Variants in REELD1 observed in about 807,000 individuals in gnomAD.
The protein encoded by REELD1 is reeler domain containing 1, also known as reelin domain-containing protein 1.
A neutral mutation model predicts 6.3 loss-of-function variants in REELD1; 12 were observed. The observed-to-expected ratio is 1.89, with a 90% CI of 1.21 to 3.07. The LOEUF is 3.07. Ranked by LOEUF, REELD1 falls within the 30% of genes most tolerant of loss-of-function variation. REELD1 has a pLI of 0.00. For synonymous variants in REELD1, 57 were observed against 33.6 expected, an observed-to-expected ratio of 1.70 and a Z score of -2.42; for missense variants, 163 against 86.8, an observed-to-expected ratio of 1.88 and a Z score of -3.49.
chr4:146,224,564 C>G lies in REELD1; in HGVS notation c.551C>G (p.Pro184Arg). 2.8e-6 allele frequency: 2 copies of G among 702,206 alleles called. No individual in the cohort carries two copies. The highest frequency in any genetic ancestry group is 5.2e-6 in the Non-Finnish European group (2 of 384,952). 43.5% of individuals were successfully genotyped at this position (702,206 alleles called of 1,614,324 possible). ...CGCATGGAGCCCAGATTGCTGATGC[C>G]AAACCTTCACCAGAGGCTGGGCGAT... The part of the protein sequence containing the change: ...DDRMEPRLLM[P>R]NLHQRLGDVE... The change falls in exon 5 of 8, where the codon CCA (proline) becomes CGA (arginine). Residue 184 changes from proline to arginine, a missense_variant. Pro to Arg is a moderately radical substitution (Grantham distance 103, BLOSUM62 -2). Transcript: ENST00000623665.
At chr4:146,215,299 T>G (rs187036509) in intron 2 of REELD1, 101 bp downstream of exon 2, 1 of 152,364 alleles carries the variant, frequency 6.6e-6, no homozygotes, top group East Asian at 1.9e-4. Context: ...GAATGTGCTT[T>G]TACACAGTTC....
intron 3 of REELD1, among the ~76,000 whole-genome samples, chr4:146,221,988 T>A (rs1201490939): frequency 6.6e-6 from 1 of 152,230 alleles, no homozygotes; most frequent in Non-Finnish European, 1.5e-5. Flanking sequence ...CAAATACTTT[T>A]TTTTGGAAAA....
intron 4 of REELD1, 40 bp from the exon 5 acceptor site, chr4:146,224,405 A>G: frequency 1.9e-6 from 1 of 537,060 alleles, no homozygotes; most frequent in Non-Finnish European, 3.3e-6. Context: ...TTTAAAGGAA[A>G]CTAAATCCGT....
Position 146,228,287 on chromosome 4 carries a change from G to A in REELD1, c.673G>A (p.Asp225Asn). 1 of 702,546 alleles carries A rather than the reference G, an allele frequency of 1.4e-6. No individual in the cohort carries two copies. The allele number at this position is 702,546 out of a possible 1,614,324, so 43.5% of individuals were successfully genotyped here. A position where few individuals can be genotyped will look rare whatever the true frequency, so the allele number is the denominator to read the frequency against. Reference protein sequence around the residue: ...AVALPGAAEEDNLDPVPASIW... With the variant: ...AVALPGAAEENNLDPVPASIW... The stretch of plus-strand genomic sequence containing the variant: ...TGCCCTTCCTGGAGCTGCAGAGGAG[G>A]ACAACCTAGATCCTGTTCCTGCCAG... The change falls in exon 6 of 8, where the codon GAC (aspartate) becomes AAC (asparagine). Residue 225 changes from aspartate (D) to asparagine (N), a missense_variant. Coordinates refer to ENST00000623665, the MANE Select transcript of REELD1 (RefSeq NM_001354631.1).
intron 4 of REELD1, among the ~76,000 whole-genome samples, chr4:146,222,863 T>A (rs1224255828): frequency 6.6e-6 from 1 of 151,940 alleles, no homozygotes; most frequent in East Asian, 1.9e-4. Context: ...TCTCTAGGAG[T>A]TTCTGACCAG....
chr4:146,229,306 T>A (rs947663673), intron 7 of REELD1, among the ~76,000 whole-genome samples: 2 of 152,226 alleles, frequency 1.3e-5, no homozygotes, highest in Non-Finnish European at 2.9e-5. Context: ...GATGTTTTAG[T>A]GACTTGTCTT....
intron 5 of REELD1, among the ~76,000 whole-genome samples, chr4:146,225,268 A>T (rs530638808): frequency 3.9e-5 from 6 of 152,036 alleles, no homozygotes; most frequent in Non-Finnish European, 8.8e-5. Flanking sequence ...GTGGTATGGA[A>T]CTCCTTTTTG....
At position 146,231,950 on chromosome 4, in the gene REELD1, C is replaced by T. The variant is rs982079817; in HGVS notation, c.*1437C>T. On this transcript the variant is annotated 3_prime_UTR_variant, in exon 8 of 8. Transcript: ENST00000623665. The stretch of plus-strand genomic sequence containing the variant: ...TGGAGACCTAGGTAATTTGTGCATT[C>T]ACAAATGAAAGTGTTCTAGGAATAC... The T allele has an allele frequency of 6.6e-6, 1 of 152,152 alleles. No individual in the cohort carries two copies. Among genetic ancestry groups the T allele is most frequent in the African/African-American group, 2.4e-5 (1 of 41,436 alleles). 9.4% of individuals were successfully genotyped at this position (152,152 alleles called of 1,614,324 possible).
chr4:146,229,209 G>A lies in REELD1; in HGVS notation c.972+121G>A. 11 of 633,336 alleles carry A rather than the reference G, an allele frequency of 1.7e-5. No individual in the cohort carries two copies. The South Asian group carries it at 1.9e-4, about 11-fold the overall frequency. 39.2% of individuals were successfully genotyped at this position (633,336 alleles called of 1,614,324 possible). A position where few individuals can be genotyped will look rare whatever the true frequency, so the allele number is the denominator to read the frequency against. On this transcript the variant is annotated intron_variant, in intron 7 of 7. Coordinates refer to ENST00000623665, the MANE Select transcript of REELD1 (RefSeq NM_001354631.1). Reference sequence around the variant, plus strand: ...CCAAAGTTAGAGAGAAGAAGGCAAAGTACAATATACACACAGTGTCTTTCT... The same window carrying A: ...CCAAAGTTAGAGAGAAGAAGGCAAAATACAATATACACACAGTGTCTTTCT...
intron 1 of REELD1, 31 bp downstream of exon 1, chr4:146,214,725 G>A (rs1162616864): frequency 1.3e-5 from 2 of 152,110 alleles, no homozygotes; most frequent in Non-Finnish European, 2.9e-5. Flanking sequence ...ATTTATTTTT[G>A]TAGAGACAAG....
chr4:146,218,643 A>G (rs1730867042), intron 3 of REELD1, among the ~76,000 whole-genome samples: 1 of 152,210 alleles, frequency 6.6e-6, no homozygotes, highest in African/African-American at 2.4e-5. Context: ...GTCTATTCTA[A>G]TAGAGCTTCC....
intron 1 of REELD1, among the ~76,000 whole-genome samples, 179 bp downstream of exon 1, chr4:146,214,873 G>A (rs766839878): frequency 1.3e-5 from 2 of 151,916 alleles, no homozygotes; most frequent in Non-Finnish European, 2.9e-5. Flanking sequence ...GGTTCAGGTA[G>A]ACAAGATGCT....
chr4:146,220,489 T>G (rs188839947), intron 3 of REELD1, among the ~76,000 whole-genome samples: 4 of 152,346 alleles, frequency 2.6e-5, no homozygotes, highest in African/African-American at 4.8e-5. Context: ...CTCTCTTAAG[T>G]GTGGAGGCAC....
At position 146,230,190 on chromosome 4, in the gene REELD1, A is replaced by T; in HGVS notation, c.1258A>T (p.Thr420Ser). ...GGGTGGAGTGGGATACCCTCGGCAG[A>T]CCAACCCACGGCCTGACATTGGGCT... is the stretch of plus-strand genomic sequence containing the variant. ...GEGGVGYPRQ[T>S]NPRPDIGLEG... Residue 420 changes from threonine (T) to serine (S), a missense_variant, in exon 8 of 8, where the codon ACC becomes TCC. Thr to Ser is a moderately conservative substitution (Grantham distance 58, BLOSUM62 1). Transcript: ENST00000623665. The T allele has an allele frequency of 2.5e-6, 1 of 398,758 alleles. No individual in the cohort carries two copies. Among genetic ancestry groups the T allele is most frequent in the Non-Finnish European group, 4.4e-6 (1 of 226,194 alleles). 24.7% of individuals were successfully genotyped at this position (398,758 alleles called of 1,614,324 possible). A position where few individuals can be genotyped will look rare whatever the true frequency, so the allele number is the denominator to read the frequency against.
intron 5 of REELD1, among the ~76,000 whole-genome samples, chr4:146,227,553 AATG>A (rs2110925028): frequency 6.6e-6 from 1 of 152,318 alleles, no homozygotes; most frequent in African/African-American, 2.4e-5. Context: ...TCATTTTGCA[AATG>A]AAGAAACTAA....
At chr4:146,217,387 C>A (rs1730845985) in intron 3 of REELD1, among the ~76,000 whole-genome samples, 1 of 152,146 alleles carries the variant, frequency 6.6e-6, no homozygotes, top group Admixed American at 6.5e-5. Context: ...GGACTACAGG[C>A]ACATGCCACT....
At chr4:146,229,816 T>G in intron 7 of REELD1, 89 bp from the exon 8 acceptor site, 1 of 397,682 alleles carries the variant, frequency 2.5e-6, no homozygotes, top group Admixed American at 4.4e-5. Flanking sequence ...CCTGGGAGTC[T>G]TTAAGGAACC....
intron 4 of REELD1, among the ~76,000 whole-genome samples, chr4:146,223,115 A>C (rs1730953931): frequency 6.6e-6 from 1 of 152,164 alleles, no homozygotes; most frequent in Admixed American, 6.5e-5. Context: ...CATCATTAGT[A>C]CTCAAAATGA....
At chr4:146,216,892 C>A in intron 2 of REELD1, 50 bp from the exon 3 acceptor site, 1 of 398,032 alleles carries the variant, frequency 2.5e-6, no homozygotes, top group South Asian at 1.4e-4. Flanking sequence ...GACTTTATGT[C>A]GTTTTCCTAA....
Sources: allele counts gnomAD v4.1 joint callset (sites outside exome capture counted in the v4.1 genomes callset), GRCh38; gene constraint gnomAD v4.1.1; transcripts MANE v1.5; gene names NCBI Gene and HGNC (gene_info 2026-07-23, HGNC 2026-07-21).